Variants in PARD3 observed in about 807,000 individuals in gnomAD.
PARD3 encodes partitioning defective 3 homolog.
PARD3 carries 75 observed loss-of-function variants against 155.4 expected under a neutral mutation model. The ratio of observed to expected loss-of-function variants is 0.48; its 90% CI spans 0.40 to 0.58. PARD3 has a LOEUF of 0.58. Among genes scored for constraint, PARD3 ranks in the 20% least tolerant of loss-of-function variants. The probability of loss-of-function intolerance (pLI) is 0.00; values close to 1 mark genes in which losing one functional copy is unlikely to be tolerated. For missense variants in PARD3, 1,642 were observed against 1,721.7 expected (o/e 0.95, Z 0.82); for synonymous variants, 576 against 610.5 (o/e 0.94, Z 0.83).
At chr10:34,295,569 G>C (rs747773328) in intron 20 of PARD3, among the ~76,000 whole-genome samples, 1 of 152,144 alleles carries the variant, frequency 6.6e-6, no homozygotes, top group African/African-American at 2.4e-5. Flanking sequence ...TGAAGGCAAT[G>C]CTTCATCATT....
At chr10:34,689,534 G>T (rs1053749543) in intron 2 of PARD3, among the ~76,000 whole-genome samples, 3 of 152,092 alleles carry the variant, frequency 2.0e-5, no homozygotes, top group African/African-American at 7.2e-5. Context: ...GGTATAAGGT[G>T]CTCTAGCATT....
intron 22 of PARD3, among the ~76,000 whole-genome samples, chr10:34,169,751 C>G (rs577036301): frequency 6.6e-6 from 1 of 152,306 alleles, no homozygotes; most frequent in Non-Finnish European, 1.5e-5. Context: ...CGTATAGACT[C>G]ATGGAAACCA....
chr10:34,529,771 T>C (rs921959333), intron 2 of PARD3, among the ~76,000 whole-genome samples: 1 of 152,066 alleles, frequency 6.6e-6, no homozygotes, highest in Admixed American at 6.6e-5. Context: ...TCTTGTTCTG[T>C]CACCCAGGCT....
intron 21 of PARD3, among the ~76,000 whole-genome samples, chr10:34,274,955 A>G (rs661661): frequency 0.57 from 85,920 of 151,964 alleles, 25,236 homozygotes; most frequent in African/African-American, 0.73. Flanking sequence ...GGATTTGAAT[A>G]TTCTTTTGTT....
At chr10:34,608,130 T>C (rs2090607517) in intron 2 of PARD3, among the ~76,000 whole-genome samples, 1 of 152,228 alleles carries the variant, frequency 6.6e-6, no homozygotes, top group Admixed American at 6.5e-5. Context: ...GTCAAGCCTC[T>C]CAATGCTGCA....
intron 3 of PARD3, among the ~76,000 whole-genome samples, chr10:34,500,795 G>GT (rs1332261510): frequency 6.6e-6 from 1 of 152,126 alleles, no homozygotes; most frequent in Non-Finnish European, 1.5e-5. Context: ...CGTAACTTGT[G>GT]TAACAATAAT....
chr10:34,276,868 A>G (rs1333862974), intron 21 of PARD3, among the ~76,000 whole-genome samples: 1 of 152,204 alleles, frequency 6.6e-6, no homozygotes, highest in African/African-American at 2.4e-5. Context: ...TTTAAAGACT[A>G]CAAGAAATAG....
chr10:34,746,181 C>T (rs536145969), intron 1 of PARD3, among the ~76,000 whole-genome samples: 2 of 151,990 alleles, frequency 1.3e-5, no homozygotes, highest in African/African-American at 4.8e-5. Context: ...AATTTCTTGG[C>T]TGGGCACGGT....
At chr10:34,552,470 G>A (rs538364379) in intron 2 of PARD3, among the ~76,000 whole-genome samples, 1 of 152,318 alleles carries the variant, frequency 6.6e-6, no homozygotes, top group Non-Finnish European at 1.5e-5. Context: ...CACTTTGGGA[G>A]GCCAAGGCAG....
At chr10:34,798,652 C>A (rs1268150237) in intron 1 of PARD3, among the ~76,000 whole-genome samples, 1 of 140,264 alleles carries the variant, frequency 7.1e-6, no homozygotes, top group Admixed American at 7.3e-5. Context: ...TTGCAGTGAG[C>A]CGAGATGTCG....
chr10:34,272,031 C>T (rs749014462), intron 21 of PARD3, among the ~76,000 whole-genome samples: 9 of 152,180 alleles, frequency 5.9e-5, no homozygotes, highest in Non-Finnish European at 1.0e-4. Context: ...TTGAAAACTA[C>T]ACAATGCTGC....
intron 20 of PARD3, among the ~76,000 whole-genome samples, chr10:34,304,466 T>C (rs1459909289): frequency 6.6e-6 from 1 of 152,160 alleles, no homozygotes; most frequent in African/African-American, 2.4e-5. Flanking sequence ...TCCAAGCTAG[T>C]AACATGTGAG....
intron 22 of PARD3, among the ~76,000 whole-genome samples, chr10:34,227,309 G>C (rs1952647594): frequency 6.6e-6 from 1 of 152,118 alleles, no homozygotes; most frequent in South Asian, 2.1e-4. Context: ...ATCAAAACCA[G>C]AATGATCTCC....
chr10:34,587,667 T>C (rs1386642850), intron 2 of PARD3, among the ~76,000 whole-genome samples: 1 of 152,016 alleles, frequency 6.6e-6, no homozygotes, highest in East Asian at 1.9e-4. Flanking sequence ...GACACCAAGA[T>C]ATCTACAGTC....
chr10:34,577,091 T>C (rs955761641), intron 2 of PARD3, among the ~76,000 whole-genome samples: 14 of 152,172 alleles, frequency 9.2e-5, no homozygotes, highest in Non-Finnish European at 1.8e-4. Flanking sequence ...GAGCTCTGAA[T>C]ACTAATGACT....
intron 22 of PARD3, among the ~76,000 whole-genome samples, chr10:34,179,947 A>G (rs1032365407): frequency 2.0e-5 from 3 of 152,026 alleles, no homozygotes; most frequent in Non-Finnish European, 4.4e-5. Context: ...TTGTGGGAGC[A>G]TAGTAGGGGT....
chr10:34,533,301 C>T (rs754688603), intron 2 of PARD3, among the ~76,000 whole-genome samples: 3 of 152,134 alleles, frequency 2.0e-5, no homozygotes, highest in African/African-American at 4.8e-5. Context: ...AAAGGACATG[C>T]GCTGAAGAAC....
chr10:34,345,456 T>C, intron 15 of PARD3: 1 of 985,144 alleles, frequency 1.0e-6, no homozygotes, highest in Non-Finnish European at 1.2e-6. Context: ...TCCTTTTGTA[T>C]CATAGCAGAT....
chr10:34,461,947 A>G (rs773944), intron 4 of PARD3, among the ~76,000 whole-genome samples: 53,244 of 152,112 alleles, frequency 0.35, 9,496 homozygotes, highest in East Asian at 0.43. Flanking sequence ...AAGCATATGA[A>G]GGCAGACTGT....
Sources: gnomAD v4.1 joint callset for allele counts (sites outside exome capture counted in the v4.1 genomes callset) on GRCh38, gnomAD v4.1.1 for gene constraint, MANE v1.5 for transcripts, NCBI Gene and HGNC (gene_info 2026-07-23, HGNC 2026-07-21) for gene names.